SLIT2: variants seen among roughly 807,000 people sequenced by gnomAD.
The protein encoded by SLIT2 is slit homolog 2 protein.
A neutral mutation model predicts 185.7 loss-of-function variants in SLIT2; 41 were observed. The ratio of observed to expected loss-of-function variants is 0.22; its 90% CI spans 0.17 to 0.29. SLIT2 has a LOEUF of 0.29. Among genes scored for constraint, SLIT2 ranks in the 10% least tolerant of loss-of-function variants. SLIT2 has a pLI of 1.00. For missense variants in SLIT2, 1,571 were observed against 1,909.0 expected (o/e 0.82, Z 3.30); for synonymous variants, 693 against 680.2 (o/e 1.02, Z -0.29).
chr4:20,349,194 G>C (rs1273997528), intron 4 of SLIT2, among the ~76,000 whole-genome samples: 2 of 152,178 alleles, frequency 1.3e-5, no homozygotes, highest in African/African-American at 2.4e-5. Flanking sequence ...AAGTCCAAAA[G>C]AAATGCCTGA....
intron 6 of SLIT2, 74 bp downstream of exon 6, chr4:20,480,861 T>C: frequency 9.4e-7 from 1 of 1,066,474 alleles, no homozygotes; most frequent in Non-Finnish European, 1.5e-6. Flanking sequence ...GAAGCTTATC[T>C]GCTAGCTTAA....
chr4:20,603,355 G>C (rs1260885194), intron 33 of SLIT2, among the ~76,000 whole-genome samples: 1 of 152,124 alleles, frequency 6.6e-6, no homozygotes, highest in Non-Finnish European at 1.5e-5. Flanking sequence ...TACAATTCAA[G>C]ATGAGCCAAA....
chr4:20,542,312 G>A (rs1030932992), intron 20 of SLIT2, among the ~76,000 whole-genome samples, 182 bp from the exon 21 acceptor site: 1 of 152,112 alleles, frequency 6.6e-6, no homozygotes, highest in African/African-American at 2.4e-5. Flanking sequence ...TCCCTAGGCA[G>A]TCTGAAAACA....
At chr4:20,605,155 G>A (rs904440075) in intron 33 of SLIT2, among the ~76,000 whole-genome samples, 2 of 151,752 alleles carry the variant, frequency 1.3e-5, no homozygotes, top group Admixed American at 6.6e-5. Context: ...AAATTTTAAG[G>A]CAAGAAGTTG....
intron 4 of SLIT2, among the ~76,000 whole-genome samples, chr4:20,297,718 A>G (rs1716625514): frequency 6.6e-6 from 1 of 152,176 alleles, no homozygotes; most frequent in South Asian, 2.1e-4. Flanking sequence ...CAAAAATGAT[A>G]TATTTGTGTA....
At chr4:20,313,645 G>T (rs1718317874) in intron 4 of SLIT2, among the ~76,000 whole-genome samples, 1 of 152,028 alleles carries the variant, frequency 6.6e-6, no homozygotes, top group Non-Finnish European at 1.5e-5. Context: ...TTGGCACCAG[G>T]GACTGGTTTT....
intron 5 of SLIT2, among the ~76,000 whole-genome samples, chr4:20,476,895 C>A (rs903699219): frequency 5.9e-5 from 9 of 151,964 alleles, no homozygotes; most frequent in Admixed American, 3.9e-4. Context: ...ATTTTTAAAA[C>A]TTATATTTAG....
chr4:20,329,492 G>A (rs1011564565), intron 4 of SLIT2, among the ~76,000 whole-genome samples: 1 of 151,968 alleles, frequency 6.6e-6, no homozygotes, highest in Non-Finnish European at 1.5e-5. Flanking sequence ...GAAGATCAAT[G>A]TATGTATACT....
At chr4:20,417,816 C>G (rs1727824573) in intron 4 of SLIT2, among the ~76,000 whole-genome samples, 1 of 152,114 alleles carries the variant, frequency 6.6e-6, no homozygotes, top group Admixed American at 6.6e-5. Flanking sequence ...ACAATCTTAA[C>G]CAGTCTTGTC....
chr4:20,365,500 G>A (rs1723048957), intron 4 of SLIT2, among the ~76,000 whole-genome samples: 1 of 152,140 alleles, frequency 6.6e-6, no homozygotes, highest in Admixed American at 6.6e-5. Context: ...TGGGGCGTGA[G>A]TAACGGGCTG....
chr4:20,358,481 A>G (rs1722506613), intron 4 of SLIT2, among the ~76,000 whole-genome samples: 1 of 152,150 alleles, frequency 6.6e-6, no homozygotes, highest in Admixed American at 6.6e-5. Flanking sequence ...CGAGGTAGGT[A>G]GAGTATCACG....
intron 11 of SLIT2, among the ~76,000 whole-genome samples, chr4:20,516,318 A>G (rs1720211449): frequency 6.6e-6 from 1 of 152,130 alleles, no homozygotes; most frequent in African/African-American, 2.4e-5. Flanking sequence ...AAAAATCTCT[A>G]TCAGAGTATA....
intron 3 of SLIT2, among the ~76,000 whole-genome samples, chr4:20,258,915 G>T (rs1238537762): frequency 6.6e-6 from 1 of 151,552 alleles, no homozygotes; most frequent in Non-Finnish European, 1.5e-5. Context: ...ACATATTCAG[G>T]TTCACTGGGC....
At chr4:20,318,289 A>G (rs1718767663) in intron 4 of SLIT2, among the ~76,000 whole-genome samples, 1 of 152,138 alleles carries the variant, frequency 6.6e-6, no homozygotes, top group Non-Finnish European at 1.5e-5. Context: ...CTCTACAAAA[A>G]CTACAAAGAA....
intron 9 of SLIT2, among the ~76,000 whole-genome samples, chr4:20,507,592 TG>T (rs1719328367): frequency 6.6e-6 from 1 of 151,774 alleles, no homozygotes; most frequent in East Asian, 1.9e-4. Flanking sequence ...CTCTGTTTTT[TG>T]ATTATCATTG....
intron 4 of SLIT2, among the ~76,000 whole-genome samples, chr4:20,361,454 G>T (rs1378614452): frequency 2.0e-5 from 3 of 152,112 alleles, no homozygotes; most frequent in Non-Finnish European, 4.4e-5. Context: ...TCTCTCTTTA[G>T]ATTGTACACA....
At chr4:20,580,706 T>G (rs1726486996) in intron 29 of SLIT2, among the ~76,000 whole-genome samples, 1 of 152,118 alleles carries the variant, frequency 6.6e-6, no homozygotes, top group African/African-American at 2.4e-5. Context: ...CAAGCACAAC[T>G]CACAGTGCTT....
intron 4 of SLIT2, among the ~76,000 whole-genome samples, chr4:20,338,449 C>T (rs999333991): frequency 9.9e-5 from 15 of 152,202 alleles, no homozygotes; most frequent in Middle Eastern, 3.4e-3. Context: ...GCAGGGTATT[C>T]CCAGCATCAC....
At chr4:20,310,040 C>T (rs1257282745) in intron 4 of SLIT2, among the ~76,000 whole-genome samples, 1 of 152,148 alleles carries the variant, frequency 6.6e-6, no homozygotes, top group Admixed American at 6.5e-5. Context: ...GGATTACAGG[C>T]GTGAGCCACC....
Sources: allele counts gnomAD v4.1 joint callset (sites outside exome capture counted in the v4.1 genomes callset), GRCh38; gene constraint gnomAD v4.1.1; transcripts MANE v1.5; gene names NCBI Gene and HGNC (gene_info 2026-07-23, HGNC 2026-07-21).